Variants in DSCAM observed in about 807,000 individuals in gnomAD.
The protein encoded by DSCAM is DS cell adhesion molecule, also known as cell adhesion molecule DSCAM.
DSCAM carries 47 observed loss-of-function variants against 217.7 expected under a neutral mutation model. The ratio of observed to expected loss-of-function variants is 0.22; its 90% CI spans 0.17 to 0.28. The LOEUF is 0.28. DSCAM is among the 10% of genes least tolerant of loss of function. The pLI is 1.00. For missense variants in DSCAM, 2,080 were observed against 2,618.3 expected (o/e 0.79, Z 4.49); for synonymous variants, 1,056 against 1,015.3 (o/e 1.04, Z -0.76).
chr21:40,106,138 A>G (rs2146621784), intron 20 of DSCAM, among the ~76,000 whole-genome samples: 1 of 152,340 alleles, frequency 6.6e-6, no homozygotes, highest in Middle Eastern at 3.4e-3. Flanking sequence ...ATGGTGGCAG[A>G]CAAGAGAGGG....
chr21:40,826,934 C>T (rs938179951), intron 1 of DSCAM, among the ~76,000 whole-genome samples: 19 of 151,808 alleles, frequency 1.3e-4, no homozygotes, highest in Non-Finnish European at 2.8e-4. Flanking sequence ...ATAGAGAGGG[C>T]ATTTAATGCC....
At chr21:40,768,534 A>C (rs1189234504) in intron 1 of DSCAM, among the ~76,000 whole-genome samples, 5 of 152,178 alleles carry the variant, frequency 3.3e-5, no homozygotes, top group Non-Finnish European at 7.4e-5. Context: ...TGTGAGGAAA[A>C]GATTAGAGAT....
intron 3 of DSCAM, chr21:40,513,398 G>A (rs1191582893): frequency 6.6e-6 from 1 of 152,226 alleles, no homozygotes; most frequent in African/African-American, 2.4e-5. Flanking sequence ...GGGAATACAT[G>A]AGGCTGGATA....
chr21:40,632,215 T>C (rs1249270893), intron 3 of DSCAM, among the ~76,000 whole-genome samples: 4 of 151,966 alleles, frequency 2.6e-5, no homozygotes, highest in Non-Finnish European at 4.4e-5. Context: ...AAATAATAAA[T>C]AAAACTACCC....
intron 3 of DSCAM, among the ~76,000 whole-genome samples, chr21:40,570,086 C>T (rs993701321): frequency 6.6e-6 from 1 of 151,964 alleles, no homozygotes; most frequent in Non-Finnish European, 1.5e-5. Context: ...AGAGATCTCC[C>T]CAGGTACAGA....
intron 3 of DSCAM, among the ~76,000 whole-genome samples, chr21:40,468,282 C>G (rs1024874548): frequency 6.6e-6 from 1 of 152,172 alleles, no homozygotes; most frequent in African/African-American, 2.4e-5. Flanking sequence ...AAGGCACAGA[C>G]CTGTGTCCTG....
intron 32 of DSCAM, among the ~76,000 whole-genome samples, chr21:40,026,774 G>A (rs567295926): frequency 2.4e-4 from 34 of 141,374 alleles, no homozygotes; most frequent in East Asian, 4.5e-4. Flanking sequence ...GTCTCTGCAC[G>A]TGAGATGGGT....
chr21:40,709,440 A>G (rs1202029365), intron 1 of DSCAM, among the ~76,000 whole-genome samples: 2 of 152,194 alleles, frequency 1.3e-5, no homozygotes, highest in Non-Finnish European at 2.9e-5. Flanking sequence ...TGCTGCACCC[A>G]TCAACCCGTC....
chr21:40,455,107 C>G (rs2075752656), intron 3 of DSCAM, among the ~76,000 whole-genome samples: 1 of 152,086 alleles, frequency 6.6e-6, no homozygotes. Flanking sequence ...GGAAGACTTC[C>G]ACCAAAAAGC....
intron 3 of DSCAM, among the ~76,000 whole-genome samples, chr21:40,545,312 C>T (rs376749451): frequency 8.5e-5 from 13 of 152,320 alleles, no homozygotes; most frequent in African/African-American, 2.9e-4. Flanking sequence ...TGACAGCAGC[C>T]TGAGTTGACC....
intron 3 of DSCAM, among the ~76,000 whole-genome samples, chr21:40,411,949 G>A (rs1049098835): frequency 6.6e-6 from 1 of 152,216 alleles, no homozygotes; most frequent in African/African-American, 2.4e-5. Flanking sequence ...GGTGGGAGTT[G>A]TTTGGGTTAT....
intron 11 of DSCAM, among the ~76,000 whole-genome samples, chr21:40,241,020 A>C (rs2146941822): frequency 6.6e-6 from 1 of 152,342 alleles, no homozygotes; most frequent in Non-Finnish European, 1.5e-5. Context: ...TGTAAAACCC[A>C]AAACTGTAAA....
rs1230784722 is a variant in DSCAM at position 40,227,332 on chromosome 21, C to T, written c.2357-38094G>A. On this transcript the variant is annotated intron_variant, in intron 11 of 32. Transcript: ENST00000400454. ...GAGAATCACAGCACAATGACTCAGCCTCCCAGCTGCCACCTTCCTGAAGAT... is the reference window on the plus strand; with the variant it reads ...GAGAATCACAGCACAATGACTCAGCTTCCCAGCTGCCACCTTCCTGAAGAT... Among the ~76,000 whole-genome samples the T allele has an allele frequency of 2.0e-5, 3 of 152,328 alleles. No homozygotes were observed. The East Asian group carries it at 5.8e-4, about 29-fold the overall frequency.
rs188451668 is a variant in DSCAM at position 40,211,222 on chromosome 21, C to T, written c.2357-21984G>A. 6.6e-5 allele frequency among the ~76,000 whole-genome samples: 10 copies of T among 152,332 alleles called. 1 individual carries two copies. In the East Asian group the frequency reaches 1.9e-3, roughly 29 times the overall value. On this transcript the variant is annotated intron_variant, in intron 11 of 32. Transcript: ENST00000400454. ...ATTTCTTTTGATTGCTGAATAGCAG[C>T]ATTCCAAACTATGGATGGACCATAG... is the stretch of plus-strand genomic sequence containing the variant.
chr21:40,490,768 A>G (rs1025250835), intron 3 of DSCAM, among the ~76,000 whole-genome samples: 1 of 152,214 alleles, frequency 6.6e-6, no homozygotes, highest in African/African-American at 2.4e-5. Flanking sequence ...TTTCTGTCTC[A>G]TGGACATGAA....
At chr21:40,455,495 G>A (rs146883180) in intron 3 of DSCAM, among the ~76,000 whole-genome samples, 1,825 of 152,278 alleles carry the variant, frequency 0.012, 54 homozygotes, top group Admixed American at 0.071. Context: ...AGCCAGGCAC[G>A]GTGGCTCACA....
rs2089546829 is a variant in DSCAM at position 40,087,362 on chromosome 21, AT to A, written c.3851-76del. On this transcript the variant is annotated intron_variant, in intron 21 of 32. Transcript: ENST00000400454. The stretch of plus-strand genomic sequence containing the variant: ...CACAGAGGCCAACATGACCTACTCA[AT>A]AAGGGCAATACCTAAAAATGGATGT... 7 of 1,060,734 alleles carry A rather than the reference AT, an allele frequency of 6.6e-6. No individual in the cohort carries two copies. The South Asian group carries it at 9.1e-5, about 14-fold the overall frequency. 65.7% of individuals were successfully genotyped at this position (1,060,734 alleles called of 1,614,324 possible). A position where few individuals can be genotyped will look rare whatever the true frequency, so the allele number is the denominator to read the frequency against.
chr21:40,544,885 A>G (rs559937014), intron 3 of DSCAM, among the ~76,000 whole-genome samples: 1 of 151,908 alleles, frequency 6.6e-6, no homozygotes, highest in South Asian at 2.1e-4. Context: ...AAACTGGGTC[A>G]TGTATTCACT....
chr21:40,232,823 G>A (rs927702063), intron 11 of DSCAM, among the ~76,000 whole-genome samples: 3 of 151,996 alleles, frequency 2.0e-5, no homozygotes, highest in African/African-American at 7.2e-5. Context: ...AAACCTAGTA[G>A]GGTGATATTT....
Sources: allele counts gnomAD v4.1 joint callset (sites outside exome capture counted in the v4.1 genomes callset), GRCh38; gene constraint gnomAD v4.1.1; transcripts MANE v1.5; gene names NCBI Gene and HGNC (gene_info 2026-07-23, HGNC 2026-07-21).